The following ADORA2B variants were observed in gnomAD, a reference collection of about 807,000 sequenced individuals.
The protein encoded by ADORA2B is adenosine receptor A2b.
In ADORA2B, 18 loss-of-function variants were observed where a neutral mutation model predicts 20.8. The observed-to-expected ratio is 0.87, with a 90% CI of 0.60 to 1.29. The LOEUF is 1.29. Ranked by LOEUF, ADORA2B falls within the 50% of genes most tolerant of loss-of-function variation. The probability of loss-of-function intolerance (pLI) is 0.00; values close to 1 mark genes in which losing one functional copy is unlikely to be tolerated. For synonymous variants in ADORA2B, 179 were observed against 178.3 expected (o/e 1.00, Z -0.03); for missense variants, 441 against 422.7 (o/e 1.04, Z -0.38).
Position 15,975,334 on chromosome 17 carries a change from G to A in ADORA2B, c.991G>A (p.Gly331Ser). Residue 331 changes from glycine (G) to serine (S), a missense_variant, in exon 2 of 2, where the codon GGC becomes AGC. By Grantham distance (56) the Gly-to-Ser change is moderately conservative. Transcript: ENST00000304222. ...QAGVQPALGV[G>S]L ...TGGGGTACAGCCTGCTCTCGGTGTG[G>A]GCCTATGATCTAGGCTCTCGCCTCT... 1 of 1,610,686 alleles carries A rather than the reference G, an allele frequency of 6.2e-7. No homozygotes were observed. Among genetic ancestry groups the A allele is most frequent in the Non-Finnish European group, 8.5e-7 (1 of 1,179,420 alleles).
At chr17:15,882,311 G>A in the ADORA2B span, among the ~76,000 whole-genome samples, 21 of 152,278 alleles carry the variant, frequency 1.4e-4, no homozygotes, top group African/African-American at 3.9e-4. Context: ...CCACCCTGCA[G>A]GCTAAGGGCC....
At chr17:15,907,929 C>T in the ADORA2B span, among the ~76,000 whole-genome samples, 2 of 152,158 alleles carry the variant, frequency 1.3e-5, no homozygotes, top group Non-Finnish European at 2.9e-5. Context: ...AATGGCAGCC[C>T]GCACAATGGC....
intron 1 of ADORA2B, among the ~76,000 whole-genome samples, chr17:15,957,159 C>CT (rs1358713022): frequency 1.3e-5 from 2 of 152,218 alleles, no homozygotes; most frequent in Admixed American, 1.3e-4. Context: ...ATATTGGAGA[C>CT]TCGTAGAACC....
chr17:15,888,725 CTGTT>C, the ADORA2B span, among the ~76,000 whole-genome samples: 1 of 113,094 alleles, frequency 8.8e-6, no homozygotes, highest in Non-Finnish European at 1.8e-5. Context: ...CCCTCACAAT[CTGTT>C]TGACACAGAA....
chr17:15,877,362 G>T, the ADORA2B span, among the ~76,000 whole-genome samples: 2 of 152,170 alleles, frequency 1.3e-5, no homozygotes, highest in South Asian at 4.1e-4. Context: ...GCTCTGCAAA[G>T]CTGACCCCTG....
rs1291525166 is a variant in ADORA2B at position 15,945,156 on chromosome 17, G to A, written c.-93G>A. The A allele has an allele frequency of 2.6e-6, 3 of 1,134,044 alleles. No individual in the cohort carries two copies. The East Asian group carries it at 9.7e-5, about 37-fold the overall frequency. The allele number at this position is 1,134,044 out of a possible 1,614,324, so 70.2% of individuals were successfully genotyped here. ...GAAGCGGCAGGCGGAGGCGCGGTCC[G>A]GGCGCTATGGCCATGCCCGGCGGGT... On this transcript the variant is annotated 5_prime_UTR_variant, in exon 1 of 2. Coordinates refer to ENST00000304222, the MANE Select transcript of ADORA2B (RefSeq NM_000676.4).
chr17:15,924,279 T>C, the ADORA2B span, among the ~76,000 whole-genome samples: 2 of 152,230 alleles, frequency 1.3e-5, no homozygotes, highest in Admixed American at 6.5e-5. Flanking sequence ...AAAGGTGTGC[T>C]CCTTTATAAC....
chr17:15,888,093 A>G, the ADORA2B span, among the ~76,000 whole-genome samples: 2 of 127,936 alleles, frequency 1.6e-5, 1 homozygote, highest in African/African-American at 6.7e-5. Flanking sequence ...AAAGAATTCC[A>G]AGGAACCCCA....
the ADORA2B span, among the ~76,000 whole-genome samples, chr17:15,878,184 TACACACACAC>T: frequency 1.7e-3 from 242 of 143,908 alleles, 4 homozygotes; most frequent in South Asian, 0.038. Flanking sequence ...TGTGTGTGTA[TACACACACAC>T]ACACACACAC....
At chr17:15,856,201 C>G in the ADORA2B span, among the ~76,000 whole-genome samples, 1 of 151,652 alleles carries the variant, frequency 6.6e-6, no homozygotes. Flanking sequence ...TTGACAGTTC[C>G]TGGTTTTATA....
the ADORA2B span, among the ~76,000 whole-genome samples, chr17:15,888,696 A>G: frequency 8.4e-6 from 1 of 119,138 alleles, no homozygotes; most frequent in Non-Finnish European, 1.7e-5. Context: ...AATTTTTGGA[A>G]TAAAAAGGAG....
chr17:15,948,156 C>T (rs1597845316), intron 1 of ADORA2B, among the ~76,000 whole-genome samples: 1 of 150,980 alleles, frequency 6.6e-6, no homozygotes, highest in African/African-American at 2.4e-5. Flanking sequence ...CCTCCCGGTT[C>T]GAGGGCTCCA....
chr17:15,945,567 A>G lies in ADORA2B; in HGVS notation c.319A>G (p.Ile107Val). 1 of 1,552,482 alleles carries G rather than the reference A, an allele frequency of 6.4e-7. No homozygotes were observed. Among genetic ancestry groups the G allele is most frequent in the Non-Finnish European group, 8.7e-7 (1 of 1,152,822 alleles). The change falls in exon 1 of 2, where the codon ATC becomes GTC. Residue 107 changes from isoleucine to valine, a missense_variant. Physicochemically the swap from Ile to Val is conservative, Grantham distance 29. Transcript: ENST00000304222. ...LAVAVDRYLA[I>V]CVPLRYKSLV... ...CGTGGCAGTCGACAGATACCTGGCCATCTGTGTCCCGCTCAGGTGAGGCGC... is the reference window on the plus strand; with the variant it reads ...CGTGGCAGTCGACAGATACCTGGCCGTCTGTGTCCCGCTCAGGTGAGGCGC...
the ADORA2B span, among the ~76,000 whole-genome samples, chr17:15,903,426 C>T: frequency 6.6e-6 from 1 of 152,194 alleles, no homozygotes; most frequent in African/African-American, 2.4e-5. Flanking sequence ...CTGCTAAATT[C>T]ACCTTTTATG....
chr17:15,905,544 T>A, the ADORA2B span, among the ~76,000 whole-genome samples: 1 of 146,358 alleles, frequency 6.8e-6, no homozygotes, highest in Non-Finnish European at 1.5e-5. Context: ...CAAACCCAGC[T>A]TTTTTTTTTG....
chr17:15,887,844 G>A, the ADORA2B span, among the ~76,000 whole-genome samples: 5 of 118,558 alleles, frequency 4.2e-5, 1 homozygote, highest in South Asian at 5.1e-4. Context: ...CCAGCTACTC[G>A]GGAGGCTGAG....
At chr17:15,903,926 C>A in the ADORA2B span, among the ~76,000 whole-genome samples, 2 of 152,016 alleles carry the variant, frequency 1.3e-5, no homozygotes, top group South Asian at 4.2e-4. Flanking sequence ...TATTTCCCAG[C>A]CCATCTTCTT....
chr17:15,921,699 T>C, the ADORA2B span, among the ~76,000 whole-genome samples: 59 of 152,002 alleles, frequency 3.9e-4, no homozygotes, highest in African/African-American at 1.4e-3. Context: ...GTAAGAAACT[T>C]CCTCCCTTCT....
chr17:15,912,703 A>G, the ADORA2B span, among the ~76,000 whole-genome samples: 1 of 152,236 alleles, frequency 6.6e-6, no homozygotes, highest in Non-Finnish European at 1.5e-5. Flanking sequence ...ATGCAGGCAT[A>G]TGTGAACACA....
Sources: allele counts gnomAD v4.1 joint callset (sites outside exome capture counted in the v4.1 genomes callset), GRCh38; gene constraint gnomAD v4.1.1; transcripts MANE v1.5; gene names NCBI Gene and HGNC (gene_info 2026-07-23, HGNC 2026-07-21).